DMD: variants seen among roughly 807,000 people sequenced by gnomAD.
The protein encoded by DMD is mutant dystrophin.
Under a neutral mutation model 330.1 loss-of-function variants are expected in DMD, and 63 were observed. The ratio of observed to expected loss-of-function variants is 0.19; its 90% CI spans 0.16 to 0.24. DMD has a LOEUF of 0.24. Ranked by LOEUF, DMD falls within the 10% of genes least tolerant of loss-of-function variation. DMD has a pLI of 1.00. For missense variants in DMD, 3,344 were observed against 2,684.1 expected, an observed-to-expected ratio of 1.25 and a Z score of -5.43; for synonymous variants, 1,223 against 959.8, an observed-to-expected ratio of 1.27 and a Z score of -5.07.
intron 1 of DMD, among the ~76,000 whole-genome samples, chrX:33,309,236 T>C (rs985951063): frequency 8.9e-6 from 1 of 112,043 alleles, no homozygotes; most frequent in African/African-American, 3.2e-5. Flanking sequence ...ATATTCATAA[T>C]TCTTTATCAA....
Position 33,211,426 on chromosome X carries a change from A to G in DMD, c.-114T>C. On this transcript the variant is annotated 5_prime_UTR_variant, in exon 1 of 79. Coordinates refer to ENST00000357033, the MANE Select transcript of DMD (RefSeq NM_004006.3). ...GAAACCAACAAACTTCAGCAGCTTTAAAAAAAGTAACACTTCAGTTTTTCC... is the reference window on the plus strand; with the variant it reads ...GAAACCAACAAACTTCAGCAGCTTTGAAAAAAGTAACACTTCAGTTTTTCC... 1.7e-6 allele frequency: 2 copies of G among 1,149,806 alleles called. No homozygotes were observed. Among genetic ancestry groups the G allele is most frequent in the Non-Finnish European group, 2.3e-6 (2 of 866,883 alleles). The allele number at this position is 1,149,806 out of a possible 1,213,427, so 94.8% of individuals were successfully genotyped here.
chrX:32,043,088 T>G (rs1206576486), intron 44 of DMD, among the ~76,000 whole-genome samples: 1 of 111,876 alleles, frequency 8.9e-6, no homozygotes. Flanking sequence ...CTATTTCATA[T>G]TGAATGCTTG....
chrX:33,284,843 C>T (rs1240528742), intron 1 of DMD, among the ~76,000 whole-genome samples: 1 of 104,801 alleles, frequency 9.5e-6, no homozygotes, highest in African/African-American at 3.5e-5. Flanking sequence ...AACAACAAAA[C>T]TGTGAGAGAG....
Position 32,846,375 on chromosome X carries a change from A to G in DMD, c.187-1515T>C, listed in dbSNP as rs183640491. Among the ~76,000 whole-genome samples the G allele has an allele frequency of 5.1e-3, 572 of 111,284 alleles. 5 individuals are homozygous for G. The highest frequency in any genetic ancestry group is 0.018 in the African/African-American group (548 of 30,583). ...TTGTGCATGCACCAAACAAATATCTATATTTCTGTGTCTTGCATTTAACTC... is the reference window on the plus strand; with the variant it reads ...TTGTGCATGCACCAAACAAATATCTGTATTTCTGTGTCTTGCATTTAACTC... On this transcript the variant is annotated intron_variant, in intron 3 of 78. Transcript: ENST00000357033.
chrX:31,308,510 C>T (rs1051227810), intron 62 of DMD, among the ~76,000 whole-genome samples: 1 of 111,471 alleles, frequency 9.0e-6, no homozygotes, highest in African/African-American at 3.3e-5. Context: ...ACCAGTGGGG[C>T]TATCTAGAAT....
chrX:33,155,759 G>A (rs2048480272), intron 1 of DMD, among the ~76,000 whole-genome samples: 1 of 108,497 alleles, frequency 9.2e-6, no homozygotes, highest in Non-Finnish European at 1.9e-5. Context: ...CAGAGTTTGA[G>A]ACCAGCCTGG....
intron 51 of DMD, among the ~76,000 whole-genome samples, chrX:31,759,327 T>A (rs1382296922): frequency 9.2e-6 from 1 of 108,711 alleles, no homozygotes; most frequent in Non-Finnish European, 1.9e-5. Flanking sequence ...TGAAATAAGG[T>A]AGTGACCAAA....
chrX:32,013,742 G>A, intron 44 of DMD, among the ~76,000 whole-genome samples: 1 of 112,000 alleles, frequency 8.9e-6, no homozygotes, highest in Non-Finnish European at 1.9e-5. Flanking sequence ...AGAGTGGTGA[G>A]ATAAACAGAA....
intron 43 of DMD, among the ~76,000 whole-genome samples, chrX:32,265,620 A>T (rs1164632928): frequency 8.9e-6 from 1 of 112,466 alleles, no homozygotes; most frequent in Non-Finnish European, 1.9e-5. Flanking sequence ...TGTACCCTGC[A>T]ACGCCAAAGG....
At chrX:32,646,908 G>A (rs974766747) in intron 9 of DMD, among the ~76,000 whole-genome samples, 1 of 110,997 alleles carries the variant, frequency 9.0e-6, no homozygotes, top group East Asian at 2.8e-4. Context: ...GCACTGAAAG[G>A]GCTATTTGCA....
chrX:31,344,743 G>A (rs1054743986), intron 61 of DMD, among the ~76,000 whole-genome samples: 11 of 110,112 alleles, frequency 1.0e-4, no homozygotes, highest in Non-Finnish European at 1.7e-4. Context: ...CCAGCTACTC[G>A]GGAGGCTGAG....
At chrX:31,653,803 T>G (rs895366314) in intron 54 of DMD, among the ~76,000 whole-genome samples, 1 of 111,430 alleles carries the variant, frequency 9.0e-6, no homozygotes, top group African/African-American at 3.3e-5. Context: ...AGGCTCACAT[T>G]TCTGGCTTTA....
In DMD at chrX:32,747,108, A is replaced by ATT. The variant is rs1367453250; in HGVS notation, c.650-47816_650-47815insAA. Among the ~76,000 whole-genome samples, 11 of 111,853 alleles carry ATT rather than the reference A, an allele frequency of 9.8e-5. No homozygotes were observed. The East Asian group carries it at 2.0e-3, about 20-fold the overall frequency. ...TTTAAATTCATTTATCTGTTAATGG[A>ATT]CACTTAGGTTGATTCCGTATCTCAA... On this transcript the variant is annotated intron_variant, in intron 7 of 78. Coordinates refer to ENST00000357033, the MANE Select transcript of DMD (RefSeq NM_004006.3).
intron 45 of DMD, among the ~76,000 whole-genome samples, chrX:31,939,145 A>G (rs1420757874): frequency 8.9e-6 from 1 of 112,109 alleles, no homozygotes; most frequent in African/African-American, 3.2e-5. Flanking sequence ...AAACCAAAAC[A>G]AAACATTGAT....
chrX:31,807,561 AG>A (rs1161434693), intron 50 of DMD, among the ~76,000 whole-genome samples: 2 of 111,395 alleles, frequency 1.8e-5, no homozygotes, highest in Non-Finnish European at 3.8e-5. Flanking sequence ...AGAAAAGAAA[AG>A]AAAAGAAAAG....
At chrX:31,519,182 A>G (rs1204476691) in intron 55 of DMD, among the ~76,000 whole-genome samples, 2 of 112,095 alleles carry the variant, frequency 1.8e-5, no homozygotes, top group Non-Finnish European at 3.8e-5. Context: ...ATGGACCAAT[A>G]CATATTTGGT....
At chrX:31,309,059 C>G (rs1046433398) in intron 62 of DMD, among the ~76,000 whole-genome samples, 20 of 111,458 alleles carry the variant, frequency 1.8e-4, no homozygotes, top group African/African-American at 6.5e-4. Context: ...ATAAGCATAC[C>G]TATTGGGATC....
chrX:31,969,071 C>T (rs2095376407), intron 44 of DMD, among the ~76,000 whole-genome samples: 1 of 111,296 alleles, frequency 9.0e-6, no homozygotes, highest in Admixed American at 9.6e-5. Context: ...TTAGAAGCCA[C>T]AAAAAACTGA....
chrX:33,034,904 C>T (rs996475252), intron 1 of DMD, among the ~76,000 whole-genome samples: 1 of 111,924 alleles, frequency 8.9e-6, no homozygotes, highest in African/African-American at 3.2e-5. Context: ...CTTTATATGG[C>T]ATAGAAAGTG....
Sources: allele counts gnomAD v4.1 joint callset (sites outside exome capture counted in the v4.1 genomes callset), GRCh38; gene constraint gnomAD v4.1.1; transcripts MANE v1.5; gene names NCBI Gene and HGNC (gene_info 2026-07-23, HGNC 2026-07-21).